GPC6: variants seen among roughly 807,000 people sequenced by gnomAD.
The protein encoded by GPC6 is glypican-6.
GPC6 carries 14 observed loss-of-function variants against 55.2 expected under a neutral mutation model. The observed-to-expected ratio is 0.25, with a 90% CI of 0.17 to 0.40. The LOEUF (loss-of-function observed/expected upper bound fraction) is 0.40, where lower values mean the gene tolerates loss of function less well. GPC6 is among the 10% of genes least tolerant of loss of function. The probability of loss-of-function intolerance (pLI) is 1.00; values close to 1 mark genes in which losing one functional copy is unlikely to be tolerated. For missense variants in GPC6, 641 were observed against 708.5 expected (o/e 0.90, Z 1.08); for synonymous variants, 278 against 259.6 (o/e 1.07, Z -0.68).
chr13:94,105,001 A>G (rs1382272489), intron 4 of GPC6, among the ~76,000 whole-genome samples: 2 of 152,150 alleles, frequency 1.3e-5, no homozygotes, highest in Non-Finnish European at 2.9e-5. Context: ...AAGAGCCCGC[A>G]TTGCCAACAC....
chr13:93,688,869 A>G (rs2138777223), intron 2 of GPC6, among the ~76,000 whole-genome samples: 3 of 152,184 alleles, frequency 2.0e-5, no homozygotes, highest in Middle Eastern at 6.8e-3. Context: ...AACATTGTGA[A>G]TATGTCTAAT....
chr13:93,680,456 T>G (rs1254330216), intron 2 of GPC6, among the ~76,000 whole-genome samples: 1 of 152,192 alleles, frequency 6.6e-6, no homozygotes, highest in African/African-American at 2.4e-5. Flanking sequence ...AGGGAGATTC[T>G]GAGCAGAGGA....
intron 1 of GPC6, among the ~76,000 whole-genome samples, chr13:93,529,459 A>G (rs1262007746): frequency 6.6e-6 from 1 of 151,076 alleles, no homozygotes; most frequent in East Asian, 2.0e-4. Context: ...GCTTATCTGT[A>G]GAATGCACCT....
intron 3 of GPC6, among the ~76,000 whole-genome samples, chr13:93,911,118 G>A (rs917707684): frequency 4.6e-4 from 70 of 152,198 alleles, no homozygotes; most frequent in Non-Finnish European, 8.8e-5. Context: ...AGAAGTGGTA[G>A]ATGGGAAATC....
chr13:93,793,955 T>C (rs1024747555), intron 2 of GPC6, among the ~76,000 whole-genome samples: 2 of 152,204 alleles, frequency 1.3e-5, no homozygotes, highest in African/African-American at 4.8e-5. Flanking sequence ...TGTCTATTAA[T>C]GTTTTTGTCT....
At chr13:94,073,417 G>C (rs1884804311) in intron 4 of GPC6, among the ~76,000 whole-genome samples, 2 of 152,186 alleles carry the variant, frequency 1.3e-5, no homozygotes, top group African/African-American at 4.8e-5. Context: ...CAAAAATGGA[G>C]CTACCATAAT....
intron 3 of GPC6, chr13:94,025,346 A>G (rs1256216125): frequency 6.6e-6 from 1 of 152,214 alleles, no homozygotes; most frequent in Non-Finnish European, 1.5e-5. Flanking sequence ...CCAATAAGGA[A>G]AATGTGTAAG....
intron 1 of GPC6, among the ~76,000 whole-genome samples, chr13:93,354,586 G>A (rs1293502075): frequency 6.8e-6 from 1 of 148,098 alleles, no homozygotes; most frequent in Non-Finnish European, 1.5e-5. Flanking sequence ...GGATGGTCTC[G>A]ATCTCCTGAC....
At chr13:94,272,310 A>G (rs1892055118) in intron 4 of GPC6, among the ~76,000 whole-genome samples, 1 of 151,892 alleles carries the variant, frequency 6.6e-6, no homozygotes, top group Non-Finnish European at 1.5e-5. Context: ...CTCTGGGGCG[A>G]TTTGGTTTAT....
At chr13:94,173,295 C>G (rs538627982) in intron 4 of GPC6, among the ~76,000 whole-genome samples, 6 of 152,142 alleles carry the variant, frequency 3.9e-5, no homozygotes, top group African/African-American at 1.4e-4. Context: ...GGGGTACACA[C>G]AAGCCATGTT....
In GPC6 at chr13:93,561,404, G is replaced by GATATATATATATATAT. The variant is rs66957373; in HGVS notation, c.319+15990_319+16005dup. On this transcript the variant is annotated intron_variant, in intron 2 of 8. Coordinates refer to ENST00000377047, the MANE Select transcript of GPC6 (RefSeq NM_005708.5). ...AATAATTGCATACTATATCCCTATC[G>GATATATATATATATAT]ATATATATATATATATATATATTTG... Among the ~76,000 whole-genome samples the GATATATATATATATAT allele has an allele frequency of 1.6e-3, 165 of 104,670 alleles. 14 individuals are homozygous for GATATATATATATATAT. Among genetic ancestry groups the GATATATATATATATAT allele is most frequent in the African/African-American group, 3.5e-3 (84 of 24,118 alleles). The allele number at this position is 104,670 out of a possible 152,430, so 68.7% of individuals were successfully genotyped here.
chr13:93,274,340 A>C (rs1877655672), intron 1 of GPC6, among the ~76,000 whole-genome samples: 1 of 152,184 alleles, frequency 6.6e-6, no homozygotes, highest in South Asian at 2.1e-4. Context: ...TGGTAGGTTC[A>C]TTCGGAAAGT....
intron 1 of GPC6, among the ~76,000 whole-genome samples, chr13:93,357,281 T>C (rs1209276268): frequency 6.6e-6 from 1 of 152,240 alleles, no homozygotes; most frequent in Non-Finnish European, 1.5e-5. Context: ...ATGAGCAGCA[T>C]TGGTGAATTA....
intron 1 of GPC6, chr13:93,394,916 G>A (rs1473324040): frequency 5.8e-6 from 1 of 171,322 alleles, no homozygotes; most frequent in Non-Finnish European, 1.3e-5. Flanking sequence ...CCCTTTGTCA[G>A]AATATTCTAC....
At chr13:93,917,677 C>A (rs1194140364) in intron 3 of GPC6, among the ~76,000 whole-genome samples, 1 of 152,158 alleles carries the variant, frequency 6.6e-6, no homozygotes, top group Admixed American at 6.5e-5. Context: ...ACAGTGAAAC[C>A]TTGAGAAGCA....
chr13:94,362,687 G>C (rs945615558), intron 6 of GPC6, among the ~76,000 whole-genome samples: 2 of 152,108 alleles, frequency 1.3e-5, no homozygotes, highest in African/African-American at 4.8e-5. Context: ...GTCACTGTTC[G>C]ACTTTTTGAT....
intron 1 of GPC6, among the ~76,000 whole-genome samples, chr13:93,270,268 G>T (rs1217374695): frequency 4.4e-5 from 6 of 136,328 alleles, no homozygotes; most frequent in Admixed American, 7.4e-5. Flanking sequence ...AAAAAAAAAG[G>T]CCCCACATCA....
chr13:93,917,504 G>C (rs964495959), intron 3 of GPC6, among the ~76,000 whole-genome samples: 2 of 152,160 alleles, frequency 1.3e-5, no homozygotes, highest in Admixed American at 6.5e-5. Flanking sequence ...CCTTGACCTT[G>C]TCTCCTAAGG....
At chr13:93,431,373 A>G (rs577097841) in intron 1 of GPC6, among the ~76,000 whole-genome samples, 91 of 152,248 alleles carry the variant, frequency 6.0e-4, no homozygotes, top group South Asian at 4.8e-3. Context: ...AAGGTTAGCC[A>G]TATGATGTCT....
Sources: allele counts gnomAD v4.1 joint callset (sites outside exome capture counted in the v4.1 genomes callset), GRCh38; gene constraint gnomAD v4.1.1; transcripts MANE v1.5; gene names NCBI Gene and HGNC (gene_info 2026-07-23, HGNC 2026-07-21).